The following IL18RAP variants were observed in gnomAD, a reference collection of about 807,000 sequenced individuals.
IL18RAP encodes the protein interleukin-18 receptor accessory protein.
IL18RAP carries 37 observed loss-of-function variants against 58.1 expected under a neutral mutation model. That is an observed-to-expected ratio of 0.64 (90% confidence interval 0.49 to 0.84). The LOEUF is 0.84. IL18RAP is among the 40% of genes least tolerant of loss of function. IL18RAP has a pLI of 0.00. For synonymous variants in IL18RAP, 268 were observed against 257.5 expected (o/e 1.04, Z -0.39); for missense variants, 667 against 704.8 (o/e 0.95, Z 0.61).
At chr2:102,440,770 C>A (rs1053453022) in intron 4 of IL18RAP, among the ~76,000 whole-genome samples, 2 of 152,092 alleles carry the variant, frequency 1.3e-5, no homozygotes, top group African/African-American at 4.8e-5. Context: ...AAAAGACACA[C>A]CTTCAGGAGG....
intron 3 of IL18RAP, among the ~76,000 whole-genome samples, chr2:102,435,859 T>TTTTG (rs1682700538): frequency 7.5e-6 from 1 of 134,174 alleles, no homozygotes; most frequent in Non-Finnish European, 1.6e-5. Context: ...TTTTTTTTTT[T>TTTTG]GCATGCCTCC....
intron 8 of IL18RAP, among the ~76,000 whole-genome samples, chr2:102,448,332 C>T (rs1021616287): frequency 2.0e-5 from 3 of 152,124 alleles, no homozygotes; most frequent in Non-Finnish European, 4.4e-5. Flanking sequence ...GGAATGCCCC[C>T]AAAAGTGAGA....
chr2:102,437,596 T>G (rs1682837126), intron 4 of IL18RAP, among the ~76,000 whole-genome samples: 1 of 152,248 alleles, frequency 6.6e-6, no homozygotes, highest in Non-Finnish European at 1.5e-5. Context: ...GTCCCTGATT[T>G]GCTTTTGTAA....
chr2:102,445,536 T>G (rs530769139), intron 7 of IL18RAP, among the ~76,000 whole-genome samples, 196 bp downstream of exon 7: 1 of 152,326 alleles, frequency 6.6e-6, no homozygotes, highest in African/African-American at 2.4e-5. Flanking sequence ...ATATTACTGG[T>G]TTAGAGCTAG....
rs1172656586 is a variant in IL18RAP, at chr2:102,443,371, A to C, written c.920+48A>C. 9 of 1,590,196 alleles carry C rather than the reference A, an allele frequency of 5.7e-6. No individual in the cohort carries two copies. In the East Asian group the frequency reaches 2.0e-4, roughly 36 times the overall value. The stretch of plus-strand genomic sequence containing the variant: ...CTGTTCTCTGCAATTCAGAAGAGAT[A>C]CTTCTACCTTTAGAAATGCCTAAAG... On this transcript the variant is annotated intron_variant, in intron 6 of 9. Coordinates refer to ENST00000687160, the MANE Select transcript of IL18RAP (RefSeq NM_001393487.1).
intron 4 of IL18RAP, among the ~76,000 whole-genome samples, chr2:102,440,627 C>CGA (rs1683047527): frequency 1.3e-5 from 2 of 151,130 alleles, no homozygotes; most frequent in Admixed American, 6.6e-5. Context: ...CCAGAGAAAG[C>CGA]GAGAGAGAGA....
chr2:102,442,689 A>G (rs777062401), intron 5 of IL18RAP, among the ~76,000 whole-genome samples: 15 of 152,236 alleles, frequency 9.9e-5, no homozygotes, highest in Admixed American at 9.8e-4. Context: ...TTAGTCTCAT[A>G]ATATGCATGC....
upstream of IL18RAP, among the ~76,000 whole-genome samples, chr2:102,422,892 T>A (rs1681663752): frequency 6.6e-6 from 1 of 152,026 alleles, no homozygotes; most frequent in Non-Finnish European, 1.5e-5. Flanking sequence ...AAATTACTCA[T>A]GGAAATACAC....
intron 1 of IL18RAP, 134 bp downstream of exon 1, chr2:102,423,481 G>T (rs1681711306): frequency 2.4e-6 from 2 of 819,272 alleles, no homozygotes; most frequent in South Asian, 1.5e-5. Context: ...GGACTGAGAG[G>T]AGAATTATTA....
rs1558650104 is a variant in IL18RAP at position 102,451,911 on chromosome 2, T to C, written c.1530T>C (p.Ile510=). 1 of 1,614,030 alleles carries C rather than the reference T, an allele frequency of 6.2e-7. No individual in the cohort carries two copies. The highest frequency in any genetic ancestry group is 8.5e-7 in the Non-Finnish European group (1 of 1,180,032). ...LALDDQTLKL[I]LIKFCYFQEP... Reference sequence around the variant, plus strand: ...TGGATGATCAAACACTGAAACTCATTTTAATTAAGTTCTGTTACTTCCAAG... The same window carrying C: ...TGGATGATCAAACACTGAAACTCATCTTAATTAAGTTCTGTTACTTCCAAG... Residue 510 remains isoleucine, a synonymous_variant, in exon 10 of 10, where the codon ATT becomes ATC. Transcript: ENST00000687160.
intron 3 of IL18RAP, among the ~76,000 whole-genome samples, chr2:102,424,696 A>G (rs1451827026): frequency 6.6e-6 from 1 of 152,236 alleles, no homozygotes; most frequent in African/African-American, 2.4e-5. Context: ...ACCTACTAAC[A>G]TCTGCTAATG....
chr2:102,433,871 A>G (rs2104333283), intron 3 of IL18RAP: 1 of 152,332 alleles, frequency 6.6e-6, no homozygotes. Flanking sequence ...CCTATACCTG[A>G]TACTTCTCAT....
chr2:102,449,096 C>G (rs942559172), intron 8 of IL18RAP, among the ~76,000 whole-genome samples: 5 of 151,778 alleles, frequency 3.3e-5, no homozygotes, highest in African/African-American at 1.2e-4. Flanking sequence ...GGTGCAACCC[C>G]ATCCTTACTA....
intron 3 of IL18RAP, among the ~76,000 whole-genome samples, chr2:102,425,019 G>A (rs1453691742): frequency 6.6e-6 from 1 of 152,152 alleles, no homozygotes; most frequent in South Asian, 2.1e-4. Context: ...AGCACTTCAT[G>A]TTTCCATCGT....
intron 3 of IL18RAP, among the ~76,000 whole-genome samples, chr2:102,427,737 T>C (rs1010443514): frequency 6.6e-6 from 1 of 152,078 alleles, no homozygotes; most frequent in Admixed American, 6.6e-5. Flanking sequence ...TTTTGTTGCC[T>C]GTGCTTTCAG....
At chr2:102,439,740 G>T (rs1406173937) in intron 4 of IL18RAP, 2 of 152,190 alleles carry the variant, frequency 1.3e-5, no homozygotes, top group African/African-American at 4.8e-5. Context: ...AAGCTGAAGG[G>T]AAAGAGCATT....
In IL18RAP at chr2:102,445,275, T is replaced by C. The variant is rs751816974; in HGVS notation, c.1007T>C (p.Val336Ala). Reference protein sequence around the residue: ...VTQRDLRRKFVCFVQNSIGNT... With the variant: ...VTQRDLRRKFACFVQNSIGNT... Reference sequence around the variant, plus strand: ...CAGCGTGATCTTCGCAGGAAGTTTGTTTGCTTTGTCCAGAACTCCATTGGA... The same window carrying C: ...CAGCGTGATCTTCGCAGGAAGTTTGCTTGCTTTGTCCAGAACTCCATTGGA... Residue 336 changes from valine to alanine, a missense_variant, in exon 7 of 10, where the codon GTT (valine) becomes GCT (alanine). Transcript: ENST00000687160. 7.4e-6 allele frequency: 12 copies of C among 1,614,094 alleles called. No individual in the cohort carries two copies. Among genetic ancestry groups the C allele is most frequent in the Non-Finnish European group, 1.0e-5 (12 of 1,180,034 alleles).
chr2:102,449,204 G>C (rs1342283391), intron 8 of IL18RAP, among the ~76,000 whole-genome samples: 4 of 152,044 alleles, frequency 2.6e-5, no homozygotes, highest in East Asian at 3.9e-4. Flanking sequence ...GGAGGTGGAG[G>C]TTGCAGTGAG....
chr2:102,445,425 G>T, intron 7 of IL18RAP, 85 bp downstream of exon 7: 1 of 1,335,774 alleles, frequency 7.5e-7, no homozygotes, highest in Admixed American at 1.9e-5. Flanking sequence ...TAATAATGAT[G>T]ACAGCGATTA....
Sources: allele counts gnomAD v4.1 joint callset (sites outside exome capture counted in the v4.1 genomes callset), GRCh38; gene constraint gnomAD v4.1.1; transcripts MANE v1.5; gene names NCBI Gene and HGNC (gene_info 2026-07-23, HGNC 2026-07-21).